Variants in SPMAP2L observed in about 807,000 individuals in gnomAD.
SPMAP2L encodes the protein sperm microtubule associated protein 2 like, also known as sperm microtubule associated protein 2-like.
chr4:56,537,605 G>T, the SPMAP2L span, among the ~76,000 whole-genome samples: 1 of 152,002 alleles, frequency 6.6e-6, no homozygotes, highest in African/African-American at 2.4e-5. Flanking sequence ...TTTATCTCAA[G>T]AATATTTCCT....
At chr4:56,596,768 CTAGCTAGATGATAGG>C in the SPMAP2L span, 1 of 984,624 alleles carries the variant, frequency 1.0e-6, no homozygotes. Flanking sequence ...GGAAGAGAGA[CTAGCTAGATGATAGG>C]GAGAGAGGGA....
At chr4:56,545,024 C>G in the SPMAP2L span, among the ~76,000 whole-genome samples, 1 of 152,222 alleles carries the variant, frequency 6.6e-6, no homozygotes, top group East Asian at 1.9e-4. Context: ...CCCGGCGCAG[C>G]TGTGTCAGTG....
At chr4:56,592,891 G>A in the SPMAP2L span, 3 of 1,608,744 alleles carry the variant, frequency 1.9e-6, no homozygotes, top group Admixed American at 3.3e-5. Context: ...AGAGAGAGAT[G>A]CTGCAGATCT....
the SPMAP2L span, among the ~76,000 whole-genome samples, chr4:56,570,014 T>G: frequency 6.6e-5 from 10 of 152,332 alleles, no homozygotes; most frequent in East Asian, 1.9e-3. Flanking sequence ...GATCCTACTT[T>G]TATTTTAAAA....
At chr4:56,541,622 T>C in the SPMAP2L span, among the ~76,000 whole-genome samples, 1 of 152,188 alleles carries the variant, frequency 6.6e-6, no homozygotes, top group Admixed American at 6.5e-5. Context: ...TTGAATATTG[T>C]TTCATCTAGG....
At chr4:56,566,695 C>CTTTTTTTTTT in the SPMAP2L span, among the ~76,000 whole-genome samples, 9 of 92,440 alleles carry the variant, frequency 9.7e-5, no homozygotes, top group African/African-American at 1.7e-4. Context: ...TTTTCTTTTT[C>CTTTTTTTTTT]TTTTTTTTTT....
the SPMAP2L span, among the ~76,000 whole-genome samples, chr4:56,569,681 C>G: frequency 6.6e-6 from 1 of 152,024 alleles, no homozygotes; most frequent in African/African-American, 2.4e-5. Context: ...GTGGTAAGCA[C>G]TTGTGGTCTC....
At chr4:56,569,050 G>A in the SPMAP2L span, among the ~76,000 whole-genome samples, 4 of 152,020 alleles carry the variant, frequency 2.6e-5, no homozygotes, top group Non-Finnish European at 4.4e-5. Context: ...TTTATTTATC[G>A]ATTCATCAGT....
the SPMAP2L span, chr4:56,595,531 C>T: frequency 3.4e-6 from 5 of 1,489,614 alleles, no homozygotes; most frequent in South Asian, 2.3e-5. Flanking sequence ...TATATCTTCC[C>T]ACTGGGACCG....
the SPMAP2L span, among the ~76,000 whole-genome samples, chr4:56,587,893 C>T: frequency 1.4e-4 from 22 of 152,326 alleles, no homozygotes; most frequent in East Asian, 1.9e-3. Flanking sequence ...GGAATCTCCA[C>T]ACTGTTTTCC....
the SPMAP2L span, among the ~76,000 whole-genome samples, chr4:56,606,241 T>C: frequency 6.6e-6 from 1 of 152,210 alleles, no homozygotes; most frequent in African/African-American, 2.4e-5. Context: ...ATATGTTAAG[T>C]GGACAGTTGT....
the SPMAP2L span, among the ~76,000 whole-genome samples, chr4:56,571,220 C>A: frequency 6.6e-6 from 1 of 151,478 alleles, no homozygotes; most frequent in Non-Finnish European, 1.5e-5. Flanking sequence ...AATATTTTTT[C>A]TTTATATCCT....
chr4:56,572,516 C>T, the SPMAP2L span, among the ~76,000 whole-genome samples: 127 of 152,264 alleles, frequency 8.3e-4, no homozygotes, highest in Non-Finnish European at 1.6e-3. Flanking sequence ...AACACAGGAC[C>T]TGGTGCTCAA....
the SPMAP2L span, among the ~76,000 whole-genome samples, chr4:56,624,938 C>T: frequency 1.3e-5 from 2 of 152,078 alleles, no homozygotes; most frequent in Non-Finnish European, 2.9e-5. Context: ...TCCTCCAGAC[C>T]CCAGAATGGT....
At chr4:56,558,129 C>T in the SPMAP2L span, among the ~76,000 whole-genome samples, 211 of 152,108 alleles carry the variant, frequency 1.4e-3, 1 homozygote, top group Admixed American at 3.9e-3. Flanking sequence ...CCATCATGCC[C>T]GGCTAATTTT....
the SPMAP2L span, among the ~76,000 whole-genome samples, chr4:56,544,154 A>G: frequency 6.6e-6 from 1 of 151,406 alleles, no homozygotes; most frequent in Non-Finnish European, 1.5e-5. Flanking sequence ...ACGCCCGGCT[A>G]ATATTTGTAT....
the SPMAP2L span, among the ~76,000 whole-genome samples, chr4:56,612,324 A>G: frequency 6.6e-6 from 1 of 151,982 alleles, no homozygotes; most frequent in Non-Finnish European, 1.5e-5. Context: ...ATATACTAAA[A>G]CATTTTTTAC....
chr4:56,623,386 A>G, the SPMAP2L span, among the ~76,000 whole-genome samples: 1 of 152,188 alleles, frequency 6.6e-6, no homozygotes, highest in Admixed American at 6.5e-5. Context: ...GAGCAAAAAA[A>G]CACTTTCAAG....
chr4:56,565,193 G>C, the SPMAP2L span, among the ~76,000 whole-genome samples: 1 of 152,132 alleles, frequency 6.6e-6, no homozygotes, highest in East Asian at 1.9e-4. Context: ...TGGTAGTCTT[G>C]TTCAAGTTTT....
Sources: allele counts gnomAD v4.1 joint callset (sites outside exome capture counted in the v4.1 genomes callset), GRCh38; gene constraint gnomAD v4.1.1; transcripts MANE v1.5; gene names NCBI Gene and HGNC (gene_info 2026-07-23, HGNC 2026-07-21).